Variants in TXLNG observed in about 807,000 individuals in gnomAD.
TXLNG encodes gamma-taxilin.
TXLNG carries 5 observed loss-of-function variants against 38.8 expected under a neutral mutation model. That is an observed-to-expected ratio of 0.13 (90% CI 0.07 to 0.27). The LOEUF (loss-of-function observed/expected upper bound fraction) is 0.27. Ranked by LOEUF, TXLNG falls within the 10% of genes least tolerant of loss-of-function variation. The probability of loss-of-function intolerance (pLI) is 1.00; values close to 1 mark genes in which losing one functional copy is unlikely to be tolerated. For missense variants in TXLNG, 393 were observed against 398.2 expected (o/e 0.99, Z 0.11); for synonymous variants, 182 against 158.2 (o/e 1.15, Z -1.13).
intron 1 of TXLNG, among the ~76,000 whole-genome samples, chrX:16,814,527 A>G (rs1248657558): frequency 8.9e-6 from 1 of 112,083 alleles, no homozygotes; most frequent in Admixed American, 9.5e-5. Flanking sequence ...AGGCAGGAGA[A>G]TCGCTTGAAC....
intron 6 of TXLNG, among the ~76,000 whole-genome samples, chrX:16,833,097 T>A (rs1191181796): frequency 8.9e-6 from 1 of 112,514 alleles, no homozygotes; most frequent in Non-Finnish European, 1.9e-5. Context: ...GTGCTCACAT[T>A]TAGCATGTTA....
intron 1 of TXLNG, among the ~76,000 whole-genome samples, chrX:16,817,072 C>T (rs919215630): frequency 8.9e-6 from 1 of 112,107 alleles, no homozygotes; most frequent in African/African-American, 3.2e-5. Flanking sequence ...TCTTCTAGCA[C>T]CTTTTTCACA....
intron 1 of TXLNG, among the ~76,000 whole-genome samples, chrX:16,818,101 G>A (rs776912077): frequency 9.0e-6 from 1 of 111,413 alleles, no homozygotes; most frequent in Admixed American, 9.6e-5. Flanking sequence ...GTGTAAGGGG[G>A]CTGGGGAATA....
intron 1 of TXLNG, among the ~76,000 whole-genome samples, chrX:16,813,815 C>T (rs899459715): frequency 3.7e-5 from 4 of 108,086 alleles, no homozygotes; most frequent in Admixed American, 9.9e-5. Flanking sequence ...GGCCGGGCGC[C>T]GTGGCTCACG....
chrX:16,799,663 C>T (rs1424922920), intron 1 of TXLNG, among the ~76,000 whole-genome samples: 2 of 109,633 alleles, frequency 1.8e-5, no homozygotes, highest in Non-Finnish European at 3.8e-5. Context: ...CCCAGCTACT[C>T]GGGAGGCTGA....
chrX:16,831,389 T>A (rs374951073), intron 5 of TXLNG, among the ~76,000 whole-genome samples: 16 of 112,726 alleles, frequency 1.4e-4, no homozygotes, highest in African/African-American at 4.8e-4. Context: ...AGTGAGACTG[T>A]CTCAAATAAA....
chrX:16,787,213 A>G (rs1927525027), intron 1 of TXLNG, among the ~76,000 whole-genome samples: 1 of 111,229 alleles, frequency 9.0e-6, no homozygotes, highest in African/African-American at 3.3e-5. Flanking sequence ...TGCGAGCGGG[A>G]CGCTCGGCCC....
chrX:16,840,827 TGA>T (rs995163113), intron 9 of TXLNG, among the ~76,000 whole-genome samples: 1 of 111,707 alleles, frequency 9.0e-6, no homozygotes, highest in Non-Finnish European at 1.9e-5. Flanking sequence ...TATGTAGAAG[TGA>T]GTCATTTTCT....
intron 4 of TXLNG, 90 bp downstream of exon 4, chrX:16,828,354 C>CCAAG: frequency 1.3e-5 from 12 of 921,955 alleles, no homozygotes; most frequent in Non-Finnish European, 1.6e-5. Flanking sequence ...ATCCTTGTCT[C>CCAAG]TACTTGGAGA....
intron 1 of TXLNG, among the ~76,000 whole-genome samples, chrX:16,816,914 T>C (rs986209203): frequency 5.3e-5 from 6 of 112,243 alleles, no homozygotes; most frequent in African/African-American, 1.9e-4. Flanking sequence ...AGTGAATGTG[T>C]CACCTCATCT....
intron 8 of TXLNG, 43 bp from the exon 9 acceptor site, chrX:16,839,778 A>G: frequency 9.9e-7 from 1 of 1,008,774 alleles, no homozygotes; most frequent in Non-Finnish European, 1.4e-6. Flanking sequence ...GAGTAGAGAT[A>G]AGGAAGGGAA....
chrX:16,842,188 C>A lies in TXLNG; in HGVS notation c.*422C>A. ...TAATATTATTCAGAAAAACAAAATA[C>A]CAAGGCGATTAGTTTTGTCTAATAA... is the stretch of plus-strand genomic sequence containing the variant. On this transcript the variant is annotated 3_prime_UTR_variant, in exon 10 of 10. Transcript: ENST00000380122. The A allele has an allele frequency of 9.4e-6, 1 of 105,980 alleles. No individual in the cohort carries two copies. The highest frequency in any genetic ancestry group is 1.0e-4 in the Admixed American group (1 of 9,605). 8.7% of individuals were successfully genotyped at this position (105,980 alleles called of 1,213,427 possible). A position where few individuals can be genotyped will look rare whatever the true frequency, so the allele number is the denominator to read the frequency against.
intron 5 of TXLNG, among the ~76,000 whole-genome samples, chrX:16,831,430 A>G (rs1428953497): frequency 8.9e-6 from 1 of 112,681 alleles, no homozygotes; most frequent in Non-Finnish European, 1.9e-5. Flanking sequence ...GTATCTAGTC[A>G]CTATTCAAAT....
At chrX:16,787,966 C>G (rs1927558634) in intron 1 of TXLNG, among the ~76,000 whole-genome samples, 1 of 112,269 alleles carries the variant, frequency 8.9e-6, no homozygotes, top group South Asian at 3.6e-4. Context: ...TTCTGCATGA[C>G]AGTGTTACTA....
chrX:16,830,123 A>G (rs766582512), intron 5 of TXLNG, among the ~76,000 whole-genome samples: 3 of 110,887 alleles, frequency 2.7e-5, no homozygotes, highest in Non-Finnish European at 5.7e-5. Context: ...TCAGACATCT[A>G]TGATAATCTC....
chrX:16,789,956 G>A (rs1458071524), intron 1 of TXLNG, among the ~76,000 whole-genome samples: 3 of 109,928 alleles, frequency 2.7e-5, no homozygotes, highest in Middle Eastern at 4.6e-3. Flanking sequence ...CACCACGCCC[G>A]GCTAATTTTT....
At position 16,818,832 on chromosome X, in the gene TXLNG, G is replaced by A; in HGVS notation, c.361G>A (p.Gly121Ser). ...GGEARTDPPD[G>S]QQDSECNRNK... The stretch of plus-strand genomic sequence containing the variant: ...AGAAGCTCGAACAGATCCCCCTGAT[G>A]GTCAGCAAGATTCAGAGTGCAACAG... The change falls in exon 2 of 10, where the codon GGT (glycine) becomes AGT (serine). Residue 121 changes from glycine (G) to serine (S), a missense_variant. Coordinates refer to ENST00000380122, the MANE Select transcript of TXLNG (RefSeq NM_018360.3). The A allele has an allele frequency of 5.8e-6, 7 of 1,210,670 alleles. No individual in the cohort carries two copies. The highest frequency in any genetic ancestry group is 7.8e-6 in the Non-Finnish European group (7 of 895,017).
chrX:16,804,063 ATTTCCAAC>A (rs1007860830), intron 1 of TXLNG, among the ~76,000 whole-genome samples: 2 of 112,272 alleles, frequency 1.8e-5, no homozygotes, highest in African/African-American at 6.5e-5. Flanking sequence ...ATAATTCTTC[ATTTCCAAC>A]TTCTAGGTCC....
At chrX:16,840,120 A>G in intron 9 of TXLNG, 1 of 334,085 alleles carries the variant, frequency 3.0e-6, no homozygotes, top group Non-Finnish European at 5.3e-6. Flanking sequence ...CAGGGCCCTG[A>G]GTGAGGGGCT....
Sources: allele counts gnomAD v4.1 joint callset (sites outside exome capture counted in the v4.1 genomes callset), GRCh38; gene constraint gnomAD v4.1.1; transcripts MANE v1.5; gene names NCBI Gene and HGNC (gene_info 2026-07-23, HGNC 2026-07-21).